The following SYK variants were observed in gnomAD, a reference collection of about 807,000 sequenced individuals.
SYK encodes spleen associated tyrosine kinase, also known as tyrosine-protein kinase SYK.
Under a neutral mutation model 77.8 loss-of-function variants are expected in SYK, and 16 were observed. The ratio of observed to expected loss-of-function variants is 0.21; its 90% CI spans 0.14 to 0.31. The LOEUF is 0.31. SYK is among the 10% of genes least tolerant of loss of function. SYK has a pLI of 1.00. For missense variants in SYK, 529 were observed against 814.4 expected (o/e 0.65, Z 4.26); for synonymous variants, 312 against 308.7 (o/e 1.01, Z -0.11).
chr9:90,888,615 G>A lies in SYK; in HGVS notation c.1823G>A (p.Cys608Tyr). ...PREMYDLMNL[C>Y]WTYDVENRPG... is the part of the protein sequence containing the mutation. ...GAGATGTACGATCTCATGAATCTGTGCTGGACATACGAGTGAGTACCTGAC... is the reference window on the plus strand; with the variant it reads ...GAGATGTACGATCTCATGAATCTGTACTGGACATACGAGTGAGTACCTGAC... Residue 608 changes from cysteine (C) to tyrosine (Y), a missense_variant, in exon 13 of 14, where the codon TGC (cysteine) becomes TAC (tyrosine). By Grantham distance (194) the Cys-to-Tyr change is radical (BLOSUM62 -2). Transcript: ENST00000375754. 6.2e-7 allele frequency: 1 copy of A among 1,603,570 alleles called. No homozygotes were observed. Among genetic ancestry groups the A allele is most frequent in the Non-Finnish European group, 8.5e-7 (1 of 1,175,334 alleles).
intron 6 of SYK, among the ~76,000 whole-genome samples, chr9:90,865,305 C>T (rs1241042555): frequency 6.6e-6 from 1 of 151,242 alleles, no homozygotes; most frequent in Non-Finnish European, 1.5e-5. Flanking sequence ...TTCTTTTTTT[C>T]TTTTGCTTTT....
chr9:90,813,151 G>A (rs752856630), intron 1 of SYK, among the ~76,000 whole-genome samples: 1 of 151,926 alleles, frequency 6.6e-6, no homozygotes, highest in Non-Finnish European at 1.5e-5. Flanking sequence ...TTTTTTTCTC[G>A]TGAGAAGGAC....
chr9:90,813,563 A>T (rs1428850684), intron 1 of SYK, among the ~76,000 whole-genome samples: 2 of 152,160 alleles, frequency 1.3e-5, no homozygotes, highest in Non-Finnish European at 2.9e-5. Flanking sequence ...CCCATCTGCA[A>T]AATGAGGTTA....
chr9:90,887,646 G>C, intron 11 of SYK, 103 bp from the exon 12 acceptor site: 1 of 1,299,300 alleles, frequency 7.7e-7, no homozygotes, highest in African/African-American at 1.5e-5. Context: ...CAAGTGATCT[G>C]CTCTCCTCAG....
intron 11 of SYK, among the ~76,000 whole-genome samples, chr9:90,881,515 A>T (rs139448792): frequency 8.6e-5 from 13 of 152,024 alleles, no homozygotes; most frequent in African/African-American, 3.1e-4. Context: ...TCCCGTCTCT[A>T]CTAAAAACAC....
chr9:90,817,285 A>G (rs1332391282), intron 1 of SYK, among the ~76,000 whole-genome samples: 1 of 152,156 alleles, frequency 6.6e-6, no homozygotes, highest in Non-Finnish European at 1.5e-5. Context: ...TATAACTTTA[A>G]ACATGTGTTT....
At chr9:90,849,120 G>C (rs942983530) in intron 3 of SYK, among the ~76,000 whole-genome samples, 2 of 152,168 alleles carry the variant, frequency 1.3e-5, no homozygotes, top group Non-Finnish European at 2.9e-5. Flanking sequence ...TGGGCAAGTT[G>C]GGGGGGCTGT....
chr9:90,865,104 G>A lies in SYK; in HGVS notation c.846+7G>A. On this transcript the variant is annotated splice_region_variant and intron_variant, in intron 6 of 13. Transcript: ENST00000375754. ...TCCAGGTTCCCATCCTGCGGTAAGT[G>A]TCACTAGGAATACCACTGAATGAGA... 1 of 1,613,524 alleles carries A rather than the reference G, an allele frequency of 6.2e-7. No homozygotes were observed. Among genetic ancestry groups the A allele is most frequent in the South Asian group, 1.1e-5 (1 of 91,062 alleles).
At position 90,802,222 on chromosome 9, in the gene SYK, C is replaced by A. The variant is rs189093290; in HGVS notation, c.-42+329C>A. ...GAAAGTGCGGTCGCGGCCCGGCCCT[C>A]GGGAGACGCGGGATTGGGATCAGGC... On this transcript the variant is annotated intron_variant, in intron 1 of 13. Coordinates refer to ENST00000375754, the MANE Select transcript of SYK (RefSeq NM_003177.7). 1.0e-3 allele frequency among the ~76,000 whole-genome samples: 156 copies of A among 152,266 alleles called. 1 individual carries two copies. The highest frequency in any genetic ancestry group is 3.3e-3 in the African/African-American group (137 of 41,560).
chr9:90,810,121 T>A (rs112243304), intron 1 of SYK, among the ~76,000 whole-genome samples: 82 of 152,242 alleles, frequency 5.4e-4, no homozygotes, highest in African/African-American at 1.8e-3. Context: ...GAATGGAGTA[T>A]CAGTCCGATC....
intron 1 of SYK, among the ~76,000 whole-genome samples, chr9:90,836,640 C>G (rs978425047): frequency 6.6e-6 from 1 of 152,198 alleles, no homozygotes; most frequent in African/African-American, 2.4e-5. Flanking sequence ...CAGTTCATCT[C>G]TCCAGTAAAT....
chr9:90,879,784 C>A (rs1037668918), intron 11 of SYK, among the ~76,000 whole-genome samples: 2 of 152,102 alleles, frequency 1.3e-5, no homozygotes, highest in African/African-American at 4.8e-5. Context: ...TCCAGCAAAA[C>A]ATAAAGTAGA....
chr9:90,836,380 G>T (rs572872403), intron 1 of SYK, among the ~76,000 whole-genome samples: 1 of 151,704 alleles, frequency 6.6e-6, no homozygotes, highest in South Asian at 2.1e-4. Flanking sequence ...CATAAAATGT[G>T]TACAACTCTA....
chr9:90,852,503 G>A (rs1435449537), intron 3 of SYK, among the ~76,000 whole-genome samples: 2 of 152,174 alleles, frequency 1.3e-5, no homozygotes, highest in Non-Finnish European at 2.9e-5. Context: ...TCCATGCCAG[G>A]CAAAATTTTA....
intron 1 of SYK, among the ~76,000 whole-genome samples, chr9:90,822,432 GT>G (rs1825549837): frequency 6.6e-6 from 1 of 152,150 alleles, no homozygotes; most frequent in Non-Finnish European, 1.5e-5. Context: ...GTGATATTTC[GT>G]TTAAACTTAG....
At chr9:90,824,902 G>A (rs1825621276) in intron 1 of SYK, among the ~76,000 whole-genome samples, 1 of 152,014 alleles carries the variant, frequency 6.6e-6, no homozygotes, top group Non-Finnish European at 1.5e-5. Context: ...AACTTATACA[G>A]ATCAGAAAAG....
intron 11 of SYK, among the ~76,000 whole-genome samples, chr9:90,885,499 T>TA (rs1828530146): frequency 6.6e-6 from 1 of 152,018 alleles, no homozygotes; most frequent in Non-Finnish European, 1.5e-5. Flanking sequence ...GAGAAAAGAA[T>TA]AAAAAAGAAT....
Position 90,824,826 on chromosome 9 carries a change from G to A in SYK, c.-41-19032G>A, listed in dbSNP as rs570119917. 6.6e-5 allele frequency among the ~76,000 whole-genome samples: 10 copies of A among 151,784 alleles called. 1 individual carries two copies. Among genetic ancestry groups the A allele is most frequent in the African/African-American group, 2.2e-4 (9 of 41,386 alleles). ...CTGATACTGAAAACAAGGTAAGACT[G>A]TCCTCTCTTACCACTCTGTTCAACA... On this transcript the variant is annotated intron_variant, in intron 1 of 13. Transcript: ENST00000375754.
At chr9:90,827,941 C>T (rs898500387) in intron 1 of SYK, among the ~76,000 whole-genome samples, 4 of 151,358 alleles carry the variant, frequency 2.6e-5, no homozygotes, top group African/African-American at 4.9e-5. Context: ...GAGTCACCCA[C>T]AATTATTTTT....
Sources: gnomAD v4.1 joint callset for allele counts (sites outside exome capture counted in the v4.1 genomes callset) on GRCh38, gnomAD v4.1.1 for gene constraint, MANE v1.5 for transcripts, NCBI Gene and HGNC (gene_info 2026-07-23, HGNC 2026-07-21) for gene names.